Variants in SENP1 observed in about 807,000 individuals in gnomAD.
The protein encoded by SENP1 is SUMO specific peptidase 1.
Under a neutral mutation model 93.0 loss-of-function variants are expected in SENP1, and 21 were observed. The ratio of observed to expected loss-of-function variants is 0.23; its 90% CI spans 0.16 to 0.33. The LOEUF (loss-of-function observed/expected upper bound fraction) is 0.33. SENP1 is among the 10% of genes least tolerant of loss of function. SENP1 has a pLI of 1.00. For synonymous variants in SENP1, 256 were observed against 259.6 expected (o/e 0.99, Z 0.13); for missense variants, 591 against 758.7 (o/e 0.78, Z 2.60).
chr12:48,053,449 G>T lies in SENP1; in HGVS notation c.1408-4317C>A, dbSNP rs192314231. Among the ~76,000 whole-genome samples the T allele has an allele frequency of 1.4e-4, 20 of 143,250 alleles. No homozygotes were observed. The East Asian group carries it at 3.2e-3, about 23-fold the overall frequency. The allele number at this position is 143,250 out of a possible 152,430, so 94.0% of individuals were successfully genotyped here. A position where few individuals can be genotyped will look rare whatever the true frequency, so the allele number is the denominator to read the frequency against. On this transcript the variant is annotated intron_variant, in intron 13 of 17. Coordinates refer to ENST00000549518, the MANE Select transcript of SENP1 (RefSeq NM_001267594.2). ...GCTATGATCACACCACTGCACTCTA[G>T]CCTGGATTACAGAGTGAGACCCTGT...
intron 13 of SENP1, among the ~76,000 whole-genome samples, chr12:48,062,434 T>C (rs1943019363): frequency 6.6e-6 from 1 of 152,222 alleles, no homozygotes; most frequent in Admixed American, 6.5e-5. Flanking sequence ...TAACAAACCA[T>C]GCCTTCCTTA....
chr12:48,047,174 T>C, intron 15 of SENP1, 112 bp from the exon 16 acceptor site: 1 of 670,218 alleles, frequency 1.5e-6, no homozygotes, highest in Non-Finnish European at 2.6e-6. Context: ...TCTGCTCTTC[T>C]GAGGAAAAGA....
intron 13 of SENP1, among the ~76,000 whole-genome samples, chr12:48,052,446 G>A (rs1941890421): frequency 6.6e-6 from 1 of 152,090 alleles, no homozygotes; most frequent in African/African-American, 2.4e-5. Context: ...GGGGACAAAA[G>A]CCATTTTTCC....
At chr12:48,057,201 T>C (rs1340778656) in intron 13 of SENP1, among the ~76,000 whole-genome samples, 2 of 136,546 alleles carry the variant, frequency 1.5e-5, no homozygotes, top group East Asian at 4.0e-4. Flanking sequence ...ACATTACATA[T>C]ATATTATTTA....
At chr12:48,091,446 T>C (rs573185428) in intron 4 of SENP1, among the ~76,000 whole-genome samples, 4 of 148,798 alleles carry the variant, frequency 2.7e-5, no homozygotes, top group East Asian at 2.0e-4. Context: ...CGAGATTCTG[T>C]CTCCAAAAAA....
intron 6 of SENP1, among the ~76,000 whole-genome samples, chr12:48,078,418 C>T (rs1944291178): frequency 6.7e-6 from 1 of 149,780 alleles, no homozygotes; most frequent in Non-Finnish European, 1.5e-5. Context: ...TATATATTCA[C>T]ACATACACAT....
chr12:48,068,154 C>T (rs1943429587), intron 9 of SENP1, among the ~76,000 whole-genome samples: 1 of 152,188 alleles, frequency 6.6e-6, no homozygotes, highest in South Asian at 2.1e-4. Context: ...GGATTACAGG[C>T]ATGAGCCACC....
rs745761476 is a variant in SENP1, at chr12:48,074,492, T to C, written c.772A>G (p.Ile258Val). Residue 258 changes from isoleucine to valine, a missense_variant, in exon 8 of 18, where the codon ATT (isoleucine) becomes GTT (valine). By Grantham distance (29) the Ile-to-Val change is conservative. Transcript: ENST00000549518. ...SDTSSSGSAS[I>V]LTNQEQLSHS... ...GACAGCTGTTCCTGGTTAGTTAAAA[T>C]GCTGGCAGATCCAGATGATGAAGTA... 9.3e-6 allele frequency: 15 copies of C among 1,613,948 alleles called. No individual in the cohort carries two copies. The highest frequency in any genetic ancestry group is 3.3e-4 in the Middle Eastern group (2 of 6,062).
intron 6 of SENP1, among the ~76,000 whole-genome samples, chr12:48,082,877 G>C (rs969658546): frequency 6.6e-6 from 1 of 152,040 alleles, no homozygotes; most frequent in South Asian, 2.1e-4. Flanking sequence ...ATTGTTCCTG[G>C]TAAGAAGAAT....
chr12:48,088,197 C>T (rs573255874), intron 5 of SENP1, among the ~76,000 whole-genome samples: 2 of 152,182 alleles, frequency 1.3e-5, no homozygotes, highest in East Asian at 3.9e-4. Context: ...GGACTACAGG[C>T]ACACACCACC....
chr12:48,096,497 C>T, intron 3 of SENP1, 70 bp from the exon 4 acceptor site: 3 of 959,472 alleles, frequency 3.1e-6, no homozygotes, highest in Non-Finnish European at 4.9e-6. Context: ...CTCTTGTTGC[C>T]CAGGCTGGAG....
chr12:48,086,659 T>C (rs1289757845), intron 5 of SENP1, among the ~76,000 whole-genome samples: 1 of 152,140 alleles, frequency 6.6e-6, no homozygotes, highest in East Asian at 1.9e-4. Context: ...CAGGTGATTT[T>C]TTGACAAAAT....
intron 5 of SENP1, among the ~76,000 whole-genome samples, chr12:48,087,298 G>C (rs982337833): frequency 7.9e-5 from 12 of 152,162 alleles, no homozygotes; most frequent in Admixed American, 5.2e-4. Context: ...TTACAGAGTT[G>C]ATCTCAGGCT....
chr12:48,095,535 C>CAAAA (rs3054235), intron 4 of SENP1, among the ~76,000 whole-genome samples: 5 of 85,874 alleles, frequency 5.8e-5, no homozygotes, highest in Admixed American at 2.5e-4. Context: ...GACTCTGTGT[C>CAAAA]AAAAAAAAAA....
intron 10 of SENP1, 148 bp downstream of exon 10, chr12:48,066,779 T>A (rs1330478137): frequency 2.1e-5 from 14 of 657,116 alleles, no homozygotes; most frequent in Non-Finnish European, 3.6e-5. Context: ...CCCAAAATGC[T>A]GGAATTACAG....
rs75543572 is a variant in SENP1, at chr12:48,062,685, T to C, written c.1407+1025A>G. On this transcript the variant is annotated intron_variant, in intron 13 of 17. Transcript: ENST00000549518. Reference sequence around the variant, plus strand: ...TTGGGTCTTAATCTTGGCTCTGCTGTTTACTAGCTGTATAACCTTGCAAGT... The same window carrying C: ...TTGGGTCTTAATCTTGGCTCTGCTGCTTACTAGCTGTATAACCTTGCAAGT... Among the ~76,000 whole-genome samples, 361 of 152,342 alleles carry C rather than the reference T, an allele frequency of 2.4e-3. 9 individuals carry two copies. The East Asian group carries it at 0.058, about 25-fold the overall frequency.
intron 11 of SENP1, 74 bp downstream of exon 11, chr12:48,065,522 T>C (rs1328032817): frequency 2.0e-6 from 2 of 992,082 alleles, no homozygotes; most frequent in Non-Finnish European, 3.0e-6. Flanking sequence ...TACCCAAATC[T>C]GGGTAACTTT....
At chr12:48,104,658 G>C (rs528726654) in intron 1 of SENP1, among the ~76,000 whole-genome samples, 2 of 152,048 alleles carry the variant, frequency 1.3e-5, no homozygotes, top group Non-Finnish European at 2.9e-5. Context: ...CCATAAACAG[G>C]TACCGCAAGA....
intron 13 of SENP1, among the ~76,000 whole-genome samples, chr12:48,050,897 T>C (rs765489324): frequency 4.6e-5 from 7 of 152,156 alleles, no homozygotes; most frequent in African/African-American, 7.2e-5. Context: ...GATCTGCCAG[T>C]TACTGTAAGC....
Sources: allele counts gnomAD v4.1 joint callset (sites outside exome capture counted in the v4.1 genomes callset), GRCh38; gene constraint gnomAD v4.1.1; transcripts MANE v1.5; gene names NCBI Gene and HGNC (gene_info 2026-07-23, HGNC 2026-07-21).